The following ZNF525 variants were observed in gnomAD, a reference collection of about 807,000 sequenced individuals.
ZNF525 encodes zinc finger protein 525.
ZNF525 carries 33 observed loss-of-function variants against 37.6 expected under a neutral mutation model. That is an observed-to-expected ratio of 0.88 (90% confidence interval 0.67 to 1.17). The LOEUF (loss-of-function observed/expected upper bound fraction) is 1.17. Ranked by LOEUF, ZNF525 falls within the 50% of genes most tolerant of loss-of-function variation. The pLI is 0.00. For synonymous variants in ZNF525, 170 were observed against 182.3 expected (o/e 0.93, Z 0.54); for missense variants, 449 against 543.1 (o/e 0.83, Z 1.72).
intron 3 of ZNF525, chr19:53,376,129 T>TAA (rs1466244268): frequency 9.9e-7 from 1 of 1,008,226 alleles, no homozygotes; most frequent in East Asian, 2.6e-5. Flanking sequence ...GTTTCTTTTT[T>TAA]TAGAGACAGG....
chr19:53,380,631 G>C, intron 3 of ZNF525, 91 bp from the exon 4 acceptor site: 1 of 660,776 alleles, frequency 1.5e-6, no homozygotes. Context: ...AGAATCTTAC[G>C]ATTTTGTGTT....
In ZNF525 at chr19:53,369,850, C is replaced by G. The variant is rs1460172444; in HGVS notation, c.-67-2365C>G. 1.2e-4 allele frequency among the ~76,000 whole-genome samples: 17 copies of G among 136,610 alleles called. 1 individual carries two copies. Among genetic ancestry groups the G allele is most frequent in the East Asian group, 6.2e-4 (3 of 4,820 alleles). The allele number at this position is 136,610 out of a possible 152,430, so 89.6% of individuals were successfully genotyped here. A position where few individuals can be genotyped will look rare whatever the true frequency, so the allele number is the denominator to read the frequency against. On this transcript the variant is annotated intron_variant, in intron 1 of 3. Transcript: ENST00000474037. ...CGCCATTCTCCTGCCTCAGCCTCCCCAGTAGCTGGGACTACAGGCGCCCGC... is the reference window on the plus strand; with the variant it reads ...CGCCATTCTCCTGCCTCAGCCTCCCGAGTAGCTGGGACTACAGGCGCCCGC...
chr19:53,373,239 T>C (rs540944813), intron 2 of ZNF525, among the ~76,000 whole-genome samples: 57 of 152,026 alleles, frequency 3.7e-4, no homozygotes, highest in Non-Finnish European at 7.8e-4. Context: ...ATTATAGGCA[T>C]GCACCACCAT....
At position 53,380,235 on chromosome 19, in the gene ZNF525, C is replaced by T. The variant is rs148804553; in HGVS notation, c.143-487C>T. Among the ~76,000 whole-genome samples the T allele has an allele frequency of 1.8e-3, 271 of 151,894 alleles. 1 individual carries two copies. In the East Asian group the frequency reaches 0.026, roughly 14 times the overall value. On this transcript the variant is annotated intron_variant, in intron 3 of 3. Coordinates refer to ENST00000474037, the MANE Select transcript of ZNF525 (RefSeq NM_001348156.2). ...CCTTGCGAGTAGCTGGGAGTACAGA[C>T]GTGCACCACCATGCCTTGCTAAATT... is the stretch of plus-strand genomic sequence containing the variant.
In ZNF525 at chr19:53,386,473, T is replaced by C; in HGVS notation, c.*4454T>C. On this transcript the variant is annotated 3_prime_UTR_variant, in exon 4 of 4. Coordinates refer to ENST00000474037, the MANE Select transcript of ZNF525 (RefSeq NM_001348156.2). ...CATATCAAGCTGAAAATGTCACCAC[T>C]ATCTGGACAGTTGGACATGTTTTAT... is the stretch of plus-strand genomic sequence containing the variant. The C allele has an allele frequency of 1.5e-6, 1 of 666,140 alleles. No homozygotes were observed. The highest frequency in any genetic ancestry group is 2.7e-6 in the Non-Finnish European group (1 of 366,270). The allele number at this position is 666,140 out of a possible 1,614,324, so 41.3% of individuals were successfully genotyped here.
chr19:53,369,606 A>G (rs1263876196), intron 1 of ZNF525, among the ~76,000 whole-genome samples: 2 of 147,882 alleles, frequency 1.4e-5, no homozygotes, highest in Admixed American at 1.3e-4. Context: ...TTTAAGGTCA[A>G]TAGCTGTGGG....
chr19:53,383,689 A>C lies in ZNF525; in HGVS notation c.*1670A>C. ...CTCACAACGTCTTCAGTAATGCTAC[A>C]ACCATTGTAAATCACTGGAGAAGCC... On this transcript the variant is annotated 3_prime_UTR_variant, in exon 4 of 4. Coordinates refer to ENST00000474037, the MANE Select transcript of ZNF525 (RefSeq NM_001348156.2). The C allele has an allele frequency of 8.6e-6, 6 of 700,208 alleles. No individual in the cohort carries two copies. The highest frequency in any genetic ancestry group is 4.7e-5 in the Admixed American group (2 of 42,634). The allele number at this position is 700,208 out of a possible 1,614,324, so 43.4% of individuals were successfully genotyped here.
intron 1 of ZNF525, among the ~76,000 whole-genome samples, chr19:53,370,351 G>A (rs999069431): frequency 3.4e-5 from 5 of 149,046 alleles, no homozygotes; most frequent in East Asian, 2.0e-4. Flanking sequence ...CGTGGGAAGC[G>A]GAGTTTGCAC....
rs928174259 is a variant in ZNF525, at chr19:53,386,061, C to G, written c.*4042C>G. On this transcript the variant is annotated 3_prime_UTR_variant, in exon 4 of 4. Transcript: ENST00000474037. ...ATCCCAGCTACTCAGGAGGCTGAGG[C>G]AGGGGAATCTCTTGAACCCAGGAGG... is the stretch of plus-strand genomic sequence containing the variant. 2 of 322,650 alleles carry G rather than the reference C, an allele frequency of 6.2e-6. No homozygotes were observed. Among genetic ancestry groups the G allele is most frequent in the African/African-American group, 2.2e-5 (1 of 45,674 alleles). 20.0% of individuals were successfully genotyped at this position (322,650 alleles called of 1,614,324 possible).
chr19:53,384,820 TG>T lies in ZNF525; in HGVS notation c.*2802del. 1.7e-6 allele frequency: 1 copy of T among 593,498 alleles called. No homozygotes were observed. The highest frequency in any genetic ancestry group is 3.0e-6 in the Non-Finnish European group (1 of 335,680). 36.8% of individuals were successfully genotyped at this position (593,498 alleles called of 1,614,324 possible). ...TTGCTCTGGCTAGGACAGGCAGTAT[TG>T]ATTGAATAGAAGGGGTGAGAGCATT... On this transcript the variant is annotated 3_prime_UTR_variant, in exon 4 of 4. Coordinates refer to ENST00000474037, the MANE Select transcript of ZNF525 (RefSeq NM_001348156.2).
At chr19:53,369,892 T>C (rs1331644193) in intron 1 of ZNF525, among the ~76,000 whole-genome samples, 1 of 143,956 alleles carries the variant, frequency 6.9e-6, no homozygotes, top group African/African-American at 2.6e-5. Flanking sequence ...GCCCAGCTAA[T>C]TTTTTGTATT....
At chr19:53,368,166 G>A in intron 1 of ZNF525, among the ~76,000 whole-genome samples, 1 of 152,102 alleles carries the variant, frequency 6.6e-6, no homozygotes, top group East Asian at 1.9e-4. Flanking sequence ...CCATTTGGCT[G>A]GCAACTGTCA....
chr19:53,383,814 C>T lies in ZNF525; in HGVS notation c.*1795C>T. The T allele has an allele frequency of 1.9e-6, 1 of 538,574 alleles. No homozygotes were observed. The allele number at this position is 538,574 out of a possible 1,614,324, so 33.4% of individuals were successfully genotyped here. On this transcript the variant is annotated 3_prime_UTR_variant, in exon 4 of 4. Transcript: ENST00000474037. ...TGGCGAACTCATGCTGGAGAGAAAT[C>T]TTACAATGTCATGATTGTGGCAAGG...
rs554796274 is a variant in ZNF525, at chr19:53,371,942, C to A, written c.-67-273C>A. On this transcript the variant is annotated intron_variant, in intron 1 of 3. Transcript: ENST00000474037. ...GGGATGACAGCTGTGAGCCACTGCA[C>A]CCAGCCTCTGTATGAAGTTTGGTCA... 5.9e-5 allele frequency among the ~76,000 whole-genome samples: 9 copies of A among 152,318 alleles called. No homozygotes were observed. In the South Asian group the frequency reaches 1.9e-3, roughly 32 times the overall value.
rs1428963310 is a variant in ZNF525, at chr19:53,384,060, A to G, written c.*2041A>G. 7.7e-6 allele frequency: 4 copies of G among 522,840 alleles called. No individual in the cohort carries two copies. The highest frequency in any genetic ancestry group is 1.5e-5 in the Non-Finnish European group (4 of 267,360). The allele number at this position is 522,840 out of a possible 1,614,324, so 32.4% of individuals were successfully genotyped here. On this transcript the variant is annotated 3_prime_UTR_variant, in exon 4 of 4. Transcript: ENST00000474037. ...TATCAGAAAATTCATTTTTCAGGTA[A>G]TTGTTCCCAATGCAATGAATATAGC...
At chr19:53,380,527 A>C (rs575030850) in intron 3 of ZNF525, among the ~76,000 whole-genome samples, 195 bp from the exon 4 acceptor site, 5 of 152,204 alleles carry the variant, frequency 3.3e-5, no homozygotes, top group Non-Finnish European at 5.9e-5. Context: ...TTAGGCTTAC[A>C]CATGTTTGTG....
chr19:53,367,180 C>T (rs984357636), intron 1 of ZNF525, among the ~76,000 whole-genome samples: 4 of 152,094 alleles, frequency 2.6e-5, no homozygotes, highest in African/African-American at 9.7e-5. Context: ...GTGTCAGGAG[C>T]TCATTCCTTT....
Position 53,383,981 on chromosome 19 carries a change from T to G in ZNF525, c.*1962T>G. On this transcript the variant is annotated 3_prime_UTR_variant, in exon 4 of 4. Coordinates refer to ENST00000474037, the MANE Select transcript of ZNF525 (RefSeq NM_001348156.2). ...GAGAATCCATACTGGACAGAAATCT[T>G]ACAAATGTCATCAGTGTGGCAAGGT... 1 of 795,448 alleles carries G rather than the reference T, an allele frequency of 1.3e-6. No individual in the cohort carries two copies. Among genetic ancestry groups the G allele is most frequent in the Non-Finnish European group, 2.1e-6 (1 of 481,576 alleles). 49.3% of individuals were successfully genotyped at this position (795,448 alleles called of 1,614,324 possible).
chr19:53,375,948 ATT>A, intron 3 of ZNF525, 52 bp downstream of exon 3: 1 of 1,611,168 alleles, frequency 6.2e-7, no homozygotes, highest in Admixed American at 1.7e-5. Context: ...GTATCTTTGT[ATT>A]TTCTCTTTTT....
Sources: allele counts gnomAD v4.1 joint callset (sites outside exome capture counted in the v4.1 genomes callset), GRCh38; gene constraint gnomAD v4.1.1; transcripts MANE v1.5; gene names NCBI Gene and HGNC (gene_info 2026-07-23, HGNC 2026-07-21).